The following ABCA8 variants were observed in gnomAD, a reference collection of about 807,000 sequenced individuals.
The protein encoded by ABCA8 is ABC-type organic anion transporter ABCA8.
In ABCA8, 177 loss-of-function variants were observed where a neutral mutation model predicts 192.3. That is an observed-to-expected ratio of 0.92 (90% confidence interval 0.81 to 1.04). The LOEUF (loss-of-function observed/expected upper bound fraction) is 1.04, where lower values mean the gene tolerates loss of function less well. Ranked by LOEUF, ABCA8 falls within the 50% of genes least tolerant of loss-of-function variation. ABCA8 has a pLI of 0.00. For missense variants in ABCA8, 1,915 were observed against 1,904.8 expected (o/e 1.01, Z -0.10); for synonymous variants, 642 against 690.2 (o/e 0.93, Z 1.09).
chr17:68,953,855 C>T (rs992028676), intron 1 of ABCA8, among the ~76,000 whole-genome samples: 1 of 152,048 alleles, frequency 6.6e-6, no homozygotes, highest in Admixed American at 6.5e-5. Flanking sequence ...CTGTACTTCT[C>T]CTCTCTGGTT....
intron 29 of ABCA8, 137 bp downstream of exon 29, chr17:68,883,654 T>A (rs986379309): frequency 3.3e-6 from 2 of 598,490 alleles, no homozygotes; most frequent in East Asian, 6.0e-5. Flanking sequence ...GGATCTGTAT[T>A]ATTTGTATGG....
Position 68,922,190 on chromosome 17 carries a change from CTCTCTTTTTTTTTTTTTTTTTTTTTTTTT to C in ABCA8, c.1501+23_1501+51del, listed in dbSNP as rs2067552555. 1.1e-5 allele frequency: 7 copies of C among 639,734 alleles called. No homozygotes were observed. In the East Asian group the frequency reaches 3.4e-4, roughly 31 times the overall value. 39.6% of individuals were successfully genotyped at this position (639,734 alleles called of 1,614,324 possible). A position where few individuals can be genotyped will look rare whatever the true frequency, so the allele number is the denominator to read the frequency against. ...AATATAACAAATATTTTCTTTCTCTCTCTCTTTTTTTTTTTTTTTTTTTTTTTTTTTTTTTTTTTTTTTTTTTTTACCTT... is the reference window on the plus strand; with the variant it reads ...AATATAACAAATATTTTCTTTCTCTCTTTTTTTTTTTTTTTTTTTTACCTT... On this transcript the variant is annotated intron_variant, in intron 12 of 39. Coordinates refer to ENST00000586539, the MANE Select transcript of ABCA8 (RefSeq NM_001288985.2).
At chr17:68,922,385 A>G in intron 11 of ABCA8, 85 bp from the exon 12 acceptor site, 1 of 954,902 alleles carries the variant, frequency 1.0e-6, no homozygotes, top group Non-Finnish European at 1.5e-6. Flanking sequence ...GATAAATCTT[A>G]ACTTCAGGAT....
intron 23 of ABCA8, among the ~76,000 whole-genome samples, chr17:68,893,680 T>C (rs1418959800): frequency 1.3e-5 from 2 of 151,248 alleles, no homozygotes; most frequent in African/African-American, 4.8e-5. Context: ...CTTGTGCTGG[T>C]CACAGTGCTG....
At chr17:68,871,613 G>A (rs2066058068) in intron 37 of ABCA8, among the ~76,000 whole-genome samples, 1 of 151,702 alleles carries the variant, frequency 6.6e-6, no homozygotes. Context: ...TTTTGCTACT[G>A]GAGTTTAGGA....
intron 31 of ABCA8, 58 bp from the exon 32 acceptor site, chr17:68,881,269 A>G: frequency 1.6e-6 from 2 of 1,221,270 alleles, no homozygotes; most frequent in South Asian, 2.5e-5. Context: ...TAAGAGTAAA[A>G]CATAGTTGAA....
chr17:68,886,930 T>C (rs1307471186), intron 26 of ABCA8, 87 bp downstream of exon 26: 1 of 756,514 alleles, frequency 1.3e-6, no homozygotes, highest in Non-Finnish European at 2.0e-6. Flanking sequence ...CATAATATTA[T>C]CATCCTACAG....
rs756959515 is a variant in ABCA8, at chr17:68,887,408, G to A, written c.3243C>T (p.Phe1081=). ...TGTAGCTCATTAAATATATAAAAAC[G>A]AAGACCAAGAAGTACAGGGAAACAT... is the stretch of plus-strand genomic sequence containing the variant. The part of the protein sequence containing the change: ...LVDVSLYFLV[F]VFIYLMSYIS... Residue 1081 remains phenylalanine (F), a synonymous_variant, in exon 25 of 40, where the codon TTC becomes TTT. Transcript: ENST00000586539. The A allele has an allele frequency of 9.9e-6, 16 of 1,613,020 alleles. No homozygotes were observed. The highest frequency in any genetic ancestry group is 2.7e-5 in the African/African-American group (2 of 74,830).
At chr17:68,935,786 T>C (rs1176656690) in intron 5 of ABCA8, among the ~76,000 whole-genome samples, 3 of 151,890 alleles carry the variant, frequency 2.0e-5, no homozygotes, top group Non-Finnish European at 4.4e-5. Flanking sequence ...TCCATAAAGG[T>C]TGTACTAATT....
chr17:68,901,437 T>A (rs2066909054), intron 21 of ABCA8, among the ~76,000 whole-genome samples: 1 of 152,188 alleles, frequency 6.6e-6, no homozygotes, highest in South Asian at 2.1e-4. Context: ...CTACTTGACA[T>A]ACACGATGAT....
chr17:68,894,080 A>C, intron 23 of ABCA8, 93 bp downstream of exon 23: 1 of 1,330,084 alleles, frequency 7.5e-7, no homozygotes, highest in Non-Finnish European at 1.1e-6. Context: ...GCAGTGGTTT[A>C]CTCAATAAAA....
intron 4 of ABCA8, among the ~76,000 whole-genome samples, chr17:68,939,140 T>C (rs2068155798): frequency 6.6e-6 from 1 of 152,124 alleles, no homozygotes; most frequent in Admixed American, 6.6e-5. Context: ...AATGAACAAC[T>C]TAAAACTTAT....
intron 32 of ABCA8, 52 bp downstream of exon 32, chr17:68,881,068 T>C (rs2143288611): frequency 1.6e-6 from 2 of 1,289,194 alleles, no homozygotes; most frequent in East Asian, 4.6e-5. Context: ...TCATCAAATC[T>C]TATCAATCTA....
At position 68,906,272 on chromosome 17, in the gene ABCA8, C is replaced by CA. The variant is rs1380161998; in HGVS notation, c.2279-110dup. ...CTATGAAACTATACTTGTGATATGT[C>CA]AAAAACATTTGAAAATTAACATTTC... On this transcript the variant is annotated intron_variant, in intron 18 of 39. Coordinates refer to ENST00000586539, the MANE Select transcript of ABCA8 (RefSeq NM_001288985.2). 2.4e-4 allele frequency: 182 copies of CA among 769,186 alleles called. 2 individuals are homozygous for CA. The highest frequency in any genetic ancestry group is 5.7e-4 in the Admixed American group (18 of 31,394). The allele number at this position is 769,186 out of a possible 1,614,324, so 47.6% of individuals were successfully genotyped here.
In ABCA8 at chr17:68,875,722, CG is replaced by C. The variant is rs2066186372; in HGVS notation, c.4381del (p.Arg1461GlyfsTer13). On this transcript the variant is annotated frameshift_variant, in exon 36 of 40. Transcript: ENST00000586539. LOFTEE classifies it high-confidence loss of function. ...EGQQQMWQAI[R>X]ATFRNTERGA... Reference sequence around the variant, plus strand: ...CCTTTCCGTGTTTCTAAAGGTGGCCCGGATGGCCTGCCTATAATGTCAAGAG... The same window carrying C: ...CCTTTCCGTGTTTCTAAAGGTGGCCCGATGGCCTGCCTATAATGTCAAGAG... 1 of 1,613,406 alleles carries C rather than the reference CG, an allele frequency of 6.2e-7. No homozygotes were observed. The highest frequency in any genetic ancestry group is 1.1e-5 in the South Asian group (1 of 90,966).
chr17:68,877,721 G>A (rs1402830386), intron 32 of ABCA8, 42 bp from the exon 33 acceptor site: 1 of 1,548,496 alleles, frequency 6.5e-7, no homozygotes, highest in South Asian at 1.2e-5. Flanking sequence ...CTTCTGCACT[G>A]CTTCTTTGAG....
intron 5 of ABCA8, among the ~76,000 whole-genome samples, chr17:68,935,018 AG>A (rs1322939532): frequency 6.6e-6 from 1 of 151,358 alleles, no homozygotes; most frequent in Non-Finnish European, 1.5e-5. Context: ...ATTTATTCAA[AG>A]TAAATATTTA....
intron 17 of ABCA8, among the ~76,000 whole-genome samples, chr17:68,908,566 G>C (rs2067152689): frequency 2.0e-5 from 3 of 152,160 alleles, no homozygotes; most frequent in Admixed American, 2.0e-4. Context: ...CTGGATTATA[G>C]ATAGAAACTA....
intron 2 of ABCA8, among the ~76,000 whole-genome samples, chr17:68,948,501 G>T (rs114618762): frequency 0.37 from 56,948 of 152,088 alleles, 12,786 homozygotes; most frequent in Non-Finnish European, 0.51. Context: ...GATCAGTGGT[G>T]ATGAGTTTTT....
Sources: gnomAD v4.1 joint callset for allele counts (sites outside exome capture counted in the v4.1 genomes callset) on GRCh38, gnomAD v4.1.1 for gene constraint, MANE v1.5 for transcripts, NCBI Gene and HGNC (gene_info 2026-07-23, HGNC 2026-07-21) for gene names.